The following IPO5 variants were observed in gnomAD, a reference collection of about 807,000 sequenced individuals.
The protein encoded by IPO5 is importin 5.
IPO5 carries 18 observed loss-of-function variants against 143.3 expected under a neutral mutation model. The ratio of observed to expected loss-of-function variants is 0.13; its 90% CI spans 0.09 to 0.19. The LOEUF (loss-of-function observed/expected upper bound fraction) is 0.19. Among genes scored for constraint, IPO5 ranks in the 10% least tolerant of loss-of-function variants. IPO5 has a pLI of 1.00. For synonymous variants in IPO5, 477 were observed against 465.7 expected (o/e 1.02, Z -0.31); for missense variants, 1,013 against 1,336.9 (o/e 0.76, Z 3.78).
intron 22 of IPO5, among the ~76,000 whole-genome samples, chr13:98,015,268 G>GTGTA (rs113581965): frequency 1.4e-4 from 21 of 151,986 alleles, no homozygotes; most frequent in African/African-American, 4.3e-4. Flanking sequence ...GTGTGTGTGT[G>GTGTA]TGTTTTCCAT....
chr13:98,005,741 A>G (rs1889185274), intron 16 of IPO5, among the ~76,000 whole-genome samples: 1 of 152,122 alleles, frequency 6.6e-6, no homozygotes, highest in Non-Finnish European at 1.5e-5. Flanking sequence ...TTTCTTTATG[A>G]CGTAGTAAGA....
At position 98,019,618 on chromosome 13, in the gene IPO5, G is replaced by A. The variant is rs199650168; in HGVS notation, c.2874G>A (p.Ala958=). ...LPLLVRVIQS[A]DSKTKENVNA... ...TGCTGGTAAGAGTTATTCAGTCTGCGGATTCTAAGACCAAAGAAAATGTCA... is the reference window on the plus strand; with the variant it reads ...TGCTGGTAAGAGTTATTCAGTCTGCAGATTCTAAGACCAAAGAAAATGTCA... Residue 958 remains alanine (A), a synonymous_variant, in exon 27 of 29, where the codon GCG becomes GCA. Transcript: ENST00000651721. 5.2e-5 allele frequency: 84 copies of A among 1,613,874 alleles called. No homozygotes were observed. Among genetic ancestry groups the A allele is most frequent in the East Asian group, 6.7e-5 (3 of 44,884 alleles).
intron 8 of IPO5, 48 bp from the exon 9 acceptor site, chr13:97,990,385 G>T: frequency 7.2e-7 from 1 of 1,396,328 alleles, no homozygotes; most frequent in Non-Finnish European, 1.0e-6. Context: ...TTGAATTTGC[G>T]TTTATCAAAA....
rs1889781982 is a variant in IPO5, at chr13:98,012,342, G to C, written c.2152G>C (p.Gly718Arg). 1.3e-6 allele frequency: 2 copies of C among 1,533,526 alleles called. No homozygotes were observed. The highest frequency in any genetic ancestry group is 2.7e-5 in the African/African-American group (2 of 73,170). 95.0% of individuals were successfully genotyped at this position (1,533,526 alleles called of 1,614,324 possible). A position where few individuals can be genotyped will look rare whatever the true frequency, so the allele number is the denominator to read the frequency against. The part of the protein sequence containing the change: ...VPLLKFYFHD[G>R]VRVAAAESMP... ...TTTACTGAAATTTTATTTCCACGAT[G>C]ATATCCTACAACTTCTGAATACAAA... Residue 718 changes from glycine to arginine, a missense_variant and splice_region_variant, in exon 21 of 29, where the codon GGT becomes CGT. Physicochemically the swap from Gly to Arg is moderately radical, Grantham distance 125. Transcript: ENST00000651721.
chr13:97,985,950 C>A (rs1024052312), intron 6 of IPO5, among the ~76,000 whole-genome samples: 22 of 151,864 alleles, frequency 1.4e-4, no homozygotes, highest in African/African-American at 5.3e-4. Flanking sequence ...TGGCAAAACC[C>A]CGTTTCTACA....
chr13:97,955,754 G>C (rs1446619952), intron 2 of IPO5, among the ~76,000 whole-genome samples: 2 of 152,110 alleles, frequency 1.3e-5, no homozygotes, highest in Admixed American at 6.6e-5. Context: ...TAGTTAAGGG[G>C]GAAGCTGCAA....
At position 97,985,531 on chromosome 13, in the gene IPO5, C is replaced by T; in HGVS notation, c.282C>T (p.Leu94=). 6.2e-7 allele frequency: 1 copy of T among 1,613,870 alleles called. No individual in the cohort carries two copies. The highest frequency in any genetic ancestry group is 8.5e-7 in the Non-Finnish European group (1 of 1,179,888). ...DVQTAIKSEL[L]MIIQMETQSS... ...AGACTGCCATCAAGAGTGAGCTACT[C>T]ATGATTATTCAGATGGAAACACAAT... Residue 94 remains leucine, a synonymous_variant, in exon 6 of 29, where the codon CTC becomes CTT. Coordinates refer to ENST00000651721, the MANE Select transcript of IPO5 (RefSeq NM_002271.6).
Position 97,976,771 on chromosome 13 carries a change from C to G in IPO5, c.75C>G (p.Val25=), listed in dbSNP as rs1461813914. 7.1e-7 allele frequency: 1 copy of G among 1,399,918 alleles called. No individual in the cohort carries two copies. The highest frequency in any genetic ancestry group is 2.1e-5 in the Admixed American group (1 of 48,758). The allele number at this position is 1,399,918 out of a possible 1,614,324, so 86.7% of individuals were successfully genotyped here. Residue 25 remains valine, a synonymous_variant, in exon 4 of 29, where the codon GTC becomes GTG. Coordinates refer to ENST00000651721, the MANE Select transcript of IPO5 (RefSeq NM_002271.6). ...LGNLLSPDNV[V]RKQAEETYEN... ...ACCTGCTCAGCCCCGACAATGTGGT[C>G]CGGAAACAGGCAGAGGTAACCGAGT...
intron 26 of IPO5, among the ~76,000 whole-genome samples, chr13:98,019,355 T>C (rs1303002839): frequency 6.6e-6 from 1 of 152,126 alleles, no homozygotes; most frequent in South Asian, 2.1e-4. Flanking sequence ...AGGCCACTAA[T>C]CTCTCTGGGT....
chr13:98,012,810 T>TTTTTTTTTTTTTG (rs1594123985), intron 21 of IPO5, among the ~76,000 whole-genome samples: 1 of 145,960 alleles, frequency 6.9e-6, no homozygotes, highest in Non-Finnish European at 1.5e-5. Flanking sequence ...GATTTTTTTT[T>TTTTTTTTTTTTTG]TTTTTTTTTT....
chr13:97,968,801 G>A lies in IPO5; in HGVS notation c.-112-922G>A, dbSNP rs565757192. Among the ~76,000 whole-genome samples, 19 of 151,242 alleles carry A rather than the reference G, an allele frequency of 1.3e-4. No individual in the cohort carries two copies. The South Asian group carries it at 2.9e-3, about 23-fold the overall frequency. ...TGCCTCCCAGGTTCAAACAGTTCTC[G>A]TATCTCAGCCTCCCAGGTAACAGAG... On this transcript the variant is annotated intron_variant, in intron 2 of 28. Coordinates refer to ENST00000651721, the MANE Select transcript of IPO5 (RefSeq NM_002271.6).
intron 2 of IPO5, among the ~76,000 whole-genome samples, chr13:97,968,626 T>C (rs1885551586): frequency 6.6e-6 from 1 of 152,238 alleles, no homozygotes; most frequent in Non-Finnish European, 1.5e-5. Flanking sequence ...CCTCTTTATC[T>C]CTAATGACAT....
At chr13:97,970,054 T>C (rs1174275737) in intron 3 of IPO5, 1 of 455,014 alleles carries the variant, frequency 2.2e-6, no homozygotes, top group Non-Finnish European at 3.8e-6. Flanking sequence ...TATGTGTAGC[T>C]AGTTGGCTAT....
rs1890273832 is a variant in IPO5 at position 98,018,659 on chromosome 13, G to A, written c.2791G>A (p.Val931Ile). 3.1e-6 allele frequency: 5 copies of A among 1,614,202 alleles called. No homozygotes were observed. Among genetic ancestry groups the A allele is most frequent in the Non-Finnish European group, 4.2e-6 (5 of 1,180,030 alleles). Residue 931 changes from valine (V) to isoleucine (I), a missense_variant, in exon 26 of 29, where the codon GTC becomes ATC. Val to Ile is a conservative substitution (Grantham distance 29). Coordinates refer to ENST00000651721, the MANE Select transcript of IPO5 (RefSeq NM_002271.6). Reference protein sequence around the residue: ...VRQAAAYGLGVMAQYGGDNYR... With the variant: ...VRQAAAYGLGIMAQYGGDNYR... ...GCAAGCAGCTGCATATGGCCTGGGA[G>A]TCATGGCACAGTACGGTGGAGATAA...
chr13:97,985,382 A>G, intron 5 of IPO5, 39 bp from the exon 6 acceptor site: 2 of 1,484,492 alleles, frequency 1.3e-6, no homozygotes, highest in Non-Finnish European at 1.9e-6. Flanking sequence ...CATCAATGGC[A>G]GAGTGAATCT....
At chr13:97,981,492 G>T in intron 4 of IPO5, 1 of 257,388 alleles carries the variant, frequency 3.9e-6, no homozygotes, top group Non-Finnish European at 7.6e-6. Flanking sequence ...AGCTAGATGT[G>T]GATTCAAAAT....
At chr13:98,011,537 A>T (rs1263084473) in intron 20 of IPO5, among the ~76,000 whole-genome samples, 1 of 138,356 alleles carries the variant, frequency 7.2e-6, no homozygotes, top group East Asian at 2.1e-4. Flanking sequence ...TGATCCGTCT[A>T]ACTCTGTCAG....
intron 2 of IPO5, among the ~76,000 whole-genome samples, chr13:97,957,773 G>C (rs757693971): frequency 5.3e-5 from 8 of 152,096 alleles, no homozygotes; most frequent in Non-Finnish European, 1.2e-4. Context: ...ATCCTTACAT[G>C]CATTAGTGGA....
chr13:97,988,448 G>A (rs1205614741), intron 6 of IPO5, among the ~76,000 whole-genome samples: 3 of 152,270 alleles, frequency 2.0e-5, no homozygotes, highest in East Asian at 3.9e-4. Context: ...TCAGATATTT[G>A]TACAGTTAAA....
Sources: gnomAD v4.1 joint callset for allele counts (sites outside exome capture counted in the v4.1 genomes callset) on GRCh38, gnomAD v4.1.1 for gene constraint, MANE v1.5 for transcripts, NCBI Gene and HGNC (gene_info 2026-07-23, HGNC 2026-07-21) for gene names.